Variants in RRP15 observed in about 807,000 individuals in gnomAD.
The protein encoded by RRP15 is RRP15-like protein.
Under a neutral mutation model 27.1 loss-of-function variants are expected in RRP15, and 18 were observed. The observed-to-expected ratio is 0.66, with a 90% CI of 0.46 to 0.98. The LOEUF (loss-of-function observed/expected upper bound fraction) is 0.98. Among genes scored for constraint, RRP15 ranks in the 50% least tolerant of loss-of-function variants. The pLI, the probability that RRP15 is intolerant of heterozygous loss-of-function variation, is 0.00. For synonymous variants in RRP15, 107 were observed against 109.4 expected (o/e 0.98, Z 0.14); for missense variants, 359 against 337.8 (o/e 1.06, Z -0.49).
chr1:218,293,955 A>G (rs1655682076), intron 1 of RRP15, among the ~76,000 whole-genome samples: 1 of 152,130 alleles, frequency 6.6e-6, no homozygotes, highest in Non-Finnish European at 1.5e-5. Flanking sequence ...CTAGATTATC[A>G]TGGAGGTGAA....
Position 218,337,655 on chromosome 1 carries a change from A to T in RRP15, c.*6564A>T, listed in dbSNP as rs1401257736. ...ATAAGACTTTTTTTTAAAGAATGTAATTTTTGACAGTCTGAAAAGACAGGC... is the reference window on the plus strand; with the variant it reads ...ATAAGACTTTTTTTTAAAGAATGTATTTTTTGACAGTCTGAAAAGACAGGC... On this transcript the variant is annotated 3_prime_UTR_variant, in exon 5 of 5. Transcript: ENST00000366932. The T allele has an allele frequency of 6.6e-6, 1 of 152,168 alleles. No individual in the cohort carries two copies. Among genetic ancestry groups the T allele is most frequent in the African/African-American group, 2.4e-5 (1 of 41,442 alleles). 9.4% of individuals were successfully genotyped at this position (152,168 alleles called of 1,614,324 possible). A position where few individuals can be genotyped will look rare whatever the true frequency, so the allele number is the denominator to read the frequency against.
At chr1:218,313,358 T>A (rs1471565677) in intron 4 of RRP15, among the ~76,000 whole-genome samples, 2 of 152,042 alleles carry the variant, frequency 1.3e-5, no homozygotes, top group Non-Finnish European at 2.9e-5. Flanking sequence ...AATTTTAAGG[T>A]ATAGATTGAC....
chr1:218,302,935 CTT>C (rs1187768826), intron 2 of RRP15, among the ~76,000 whole-genome samples: 1 of 151,512 alleles, frequency 6.6e-6, no homozygotes, highest in East Asian at 1.9e-4. Context: ...TTTGCCAAAA[CTT>C]ATTTTACAAT....
chr1:218,305,440 G>T (rs1421658284), intron 3 of RRP15, among the ~76,000 whole-genome samples: 1 of 152,158 alleles, frequency 6.6e-6, no homozygotes, highest in South Asian at 2.1e-4. Context: ...CTCAATGATG[G>T]TTTTTATCTT....
At chr1:218,323,564 C>T (rs1656221887) in intron 4 of RRP15, among the ~76,000 whole-genome samples, 2 of 152,192 alleles carry the variant, frequency 1.3e-5, no homozygotes, top group African/African-American at 2.4e-5. Flanking sequence ...CCCCAGGCTT[C>T]GGGCCCTCCC....
In RRP15 at chr1:218,307,616, A is replaced by C. The variant is rs3737978; in HGVS notation, c.689A>C (p.Lys230Thr). 6.2e-7 allele frequency: 1 copy of C among 1,613,548 alleles called. No homozygotes were observed. The highest frequency in any genetic ancestry group is 1.3e-5 in the African/African-American group (1 of 75,040). ...AATGAGACTGCTTCAAGCAGGAAGA[A>C]ACCAAAAGCCAAACAGGTAAAAACT... ...STNETASSRKKPKAKQTEVKS... is the reference protein window; with the variant it reads ...STNETASSRKTPKAKQTEVKS... Residue 230 changes from lysine to threonine, a missense_variant, in exon 4 of 5, where the codon AAA becomes ACA. Lys to Thr is a moderately conservative substitution (Grantham distance 78). Coordinates refer to ENST00000366932, the MANE Select transcript of RRP15 (RefSeq NM_016052.4).
intron 1 of RRP15, among the ~76,000 whole-genome samples, chr1:218,298,753 G>C: frequency 6.6e-6 from 1 of 152,154 alleles, no homozygotes; most frequent in East Asian, 1.9e-4. Context: ...TAAAAATTCA[G>C]TTCTTCAGTT....
At chr1:218,310,638 T>TA (rs1558207710) in intron 4 of RRP15, among the ~76,000 whole-genome samples, 7 of 152,344 alleles carry the variant, frequency 4.6e-5, no homozygotes, top group African/African-American at 1.4e-4. Context: ...AGAACTTTTT[T>TA]AAAAAATAAT....
chr1:218,332,325 T>A lies in RRP15; in HGVS notation c.*1234T>A, dbSNP rs1430584197. 1.3e-5 allele frequency: 2 copies of A among 152,206 alleles called. No individual in the cohort carries two copies. The highest frequency in any genetic ancestry group is 4.8e-5 in the African/African-American group (2 of 41,458). The allele number at this position is 152,206 out of a possible 1,614,324, so 9.4% of individuals were successfully genotyped here. A position where few individuals can be genotyped will look rare whatever the true frequency, so the allele number is the denominator to read the frequency against. ...CTTAAAGGCTATTAAATTGGGTGAC[T>A]TTTAGTATCCAGCTGTTAAAAAGAG... On this transcript the variant is annotated 3_prime_UTR_variant, in exon 5 of 5. Coordinates refer to ENST00000366932, the MANE Select transcript of RRP15 (RefSeq NM_016052.4).
rs537402527 is a variant in RRP15, at chr1:218,288,735, T to C, written c.139+3280T>C. On this transcript the variant is annotated intron_variant, in intron 1 of 4. Transcript: ENST00000366932. ...CCTTTGAATCTAAGGAAAGAAAGGA[T>C]TGGGGACAAGGAGACTTTGGTATGG... Among the ~76,000 whole-genome samples, 11 of 152,286 alleles carry C rather than the reference T, an allele frequency of 7.2e-5. No individual in the cohort carries two copies. The South Asian group carries it at 1.9e-3, about 26-fold the overall frequency.
chr1:218,329,234 CTACAAAAAAAAA>C (rs1489023317), intron 4 of RRP15, among the ~76,000 whole-genome samples: 2 of 39,844 alleles, frequency 5.0e-5, no homozygotes, highest in African/African-American at 2.0e-4. Flanking sequence ...AACCCTGTCT[CTACAAAAAAAAA>C]AAAAAAAAAA....
At chr1:218,308,876 C>CT (rs1655944529) in intron 4 of RRP15, among the ~76,000 whole-genome samples, 1 of 152,134 alleles carries the variant, frequency 6.6e-6, no homozygotes. Context: ...TAACATTTTA[C>CT]TGTAAGAGTT....
rs1184604211 is a variant in RRP15 at position 218,335,476 on chromosome 1, G to A, written c.*4385G>A. ...GGGACTAAAAGTCTAAATCATTGCT[G>A]TCAATAGGACTTTTTTTGATGATGG... On this transcript the variant is annotated 3_prime_UTR_variant, in exon 5 of 5. Coordinates refer to ENST00000366932, the MANE Select transcript of RRP15 (RefSeq NM_016052.4). 1 of 152,172 alleles carries A rather than the reference G, an allele frequency of 6.6e-6. No individual in the cohort carries two copies. The highest frequency in any genetic ancestry group is 1.5e-5 in the Non-Finnish European group (1 of 68,028). 9.4% of individuals were successfully genotyped at this position (152,172 alleles called of 1,614,324 possible).
chr1:218,309,079 C>T (rs1337309616), intron 4 of RRP15, among the ~76,000 whole-genome samples: 3 of 152,064 alleles, frequency 2.0e-5, no homozygotes, highest in Non-Finnish European at 4.4e-5. Flanking sequence ...TTTTTTCTTA[C>T]CATTTGCACT....
chr1:218,313,285 C>T (rs1656031273), intron 4 of RRP15, among the ~76,000 whole-genome samples: 2 of 152,022 alleles, frequency 1.3e-5, no homozygotes, highest in South Asian at 4.1e-4. Flanking sequence ...AGAACGTGAA[C>T]TAAGATTGTG....
intron 1 of RRP15, among the ~76,000 whole-genome samples, chr1:218,294,562 G>A (rs1039976291): frequency 6.6e-6 from 1 of 152,138 alleles, no homozygotes; most frequent in African/African-American, 2.4e-5. Context: ...ATAGGGTGAA[G>A]GTGTGTGGAG....
At chr1:218,310,639 A>G (rs1655980146) in intron 4 of RRP15, among the ~76,000 whole-genome samples, 1 of 151,918 alleles carries the variant, frequency 6.6e-6, no homozygotes, top group Admixed American at 6.5e-5. Context: ...GAACTTTTTT[A>G]AAAAATAATT....
rs1656445091 is a variant in RRP15 at position 218,336,223 on chromosome 1, C to G, written c.*5132C>G. 1 of 152,076 alleles carries G rather than the reference C, an allele frequency of 6.6e-6. No individual in the cohort carries two copies. Among genetic ancestry groups the G allele is most frequent in the African/African-American group, 2.4e-5 (1 of 41,206 alleles). The allele number at this position is 152,076 out of a possible 1,614,324, so 9.4% of individuals were successfully genotyped here. A position where few individuals can be genotyped will look rare whatever the true frequency, so the allele number is the denominator to read the frequency against. ...GCATATACTCAACATACTGCCAGAG[C>G]AAATGTAGGTTGCAGATTCAGGCAA... On this transcript the variant is annotated 3_prime_UTR_variant, in exon 5 of 5. Coordinates refer to ENST00000366932, the MANE Select transcript of RRP15 (RefSeq NM_016052.4).
In RRP15 at chr1:218,332,493, C is replaced by T. The variant is rs1165609731; in HGVS notation, c.*1402C>T. The T allele has an allele frequency of 6.6e-6, 1 of 152,056 alleles. No individual in the cohort carries two copies. The highest frequency in any genetic ancestry group is 2.4e-5 in the African/African-American group (1 of 41,404). 9.4% of individuals were successfully genotyped at this position (152,056 alleles called of 1,614,324 possible). ...TTTTCATAATAAAAATAATTCCCTC[C>T]TACCACCCAGTTGCACATACTTGCA... On this transcript the variant is annotated 3_prime_UTR_variant, in exon 5 of 5. Coordinates refer to ENST00000366932, the MANE Select transcript of RRP15 (RefSeq NM_016052.4).
Sources: gnomAD v4.1 joint callset for allele counts (sites outside exome capture counted in the v4.1 genomes callset) on GRCh38, gnomAD v4.1.1 for gene constraint, MANE v1.5 for transcripts, NCBI Gene and HGNC (gene_info 2026-07-23, HGNC 2026-07-21) for gene names.